PCP4: variants seen among roughly 807,000 people sequenced by gnomAD.
PCP4 encodes Purkinje cell protein 4.
A neutral mutation model predicts 10.0 loss-of-function variants in PCP4; 8 were observed. The observed-to-expected ratio is 0.80, with a 90% confidence interval of 0.47 to 1.45. PCP4 has a LOEUF of 1.45. Among genes scored for constraint, PCP4 ranks in the 40% most tolerant of loss-of-function variants. The probability of loss-of-function intolerance (pLI) is 0.00; values close to 1 mark genes in which losing one functional copy is unlikely to be tolerated. For missense variants in PCP4, 54 were observed against 74.4 expected (o/e 0.73, Z 1.01); for synonymous variants, 21 against 23.0 (o/e 0.91, Z 0.24).
chr21:39,899,722 G>A (rs2087474029), intron 2 of PCP4, among the ~76,000 whole-genome samples: 1 of 152,194 alleles, frequency 6.6e-6, no homozygotes, highest in African/African-American at 2.4e-5. Context: ...CTCTTCCTTT[G>A]CTGCCCAGGG....
chr21:39,870,510 G>T (rs2087314514), intron 1 of PCP4, among the ~76,000 whole-genome samples: 1 of 152,140 alleles, frequency 6.6e-6, no homozygotes, highest in Admixed American at 6.6e-5. Flanking sequence ...TACTCACCCA[G>T]GCACAAGAAA....
chr21:39,920,336 GTA>G (rs34129163), intron 2 of PCP4, among the ~76,000 whole-genome samples: 16,246 of 146,878 alleles, frequency 0.11, 1,123 homozygotes, highest in South Asian at 0.24. Flanking sequence ...TGTGTGTGTG[GTA>G]TGTGTGTGGT....
chr21:39,919,224 G>A (rs2087583148), intron 2 of PCP4, among the ~76,000 whole-genome samples: 1 of 152,154 alleles, frequency 6.6e-6, no homozygotes, highest in African/African-American at 2.4e-5. Flanking sequence ...GTGGCCGAGG[G>A]GATCCCAGCT....
intron 2 of PCP4, among the ~76,000 whole-genome samples, chr21:39,900,139 A>T (rs1331981418): frequency 1.3e-5 from 2 of 152,056 alleles, no homozygotes; most frequent in Non-Finnish European, 2.9e-5. Flanking sequence ...GGTTCAAGTG[A>T]TTCTCCTGCC....
chr21:39,869,468 G>A (rs529162852), intron 1 of PCP4, among the ~76,000 whole-genome samples: 23 of 152,262 alleles, frequency 1.5e-4, no homozygotes, highest in African/African-American at 5.5e-4. Context: ...CTTTAATGTG[G>A]ATAAAAGCAC....
At chr21:39,905,430 G>T (rs1197147929) in intron 2 of PCP4, among the ~76,000 whole-genome samples, 1 of 152,166 alleles carries the variant, frequency 6.6e-6, no homozygotes, top group East Asian at 1.9e-4. Flanking sequence ...ATTAAGCCGG[G>T]CATTTAAAGC....
intron 1 of PCP4, among the ~76,000 whole-genome samples, chr21:39,873,224 A>G (rs138725751): frequency 1.6e-3 from 243 of 152,292 alleles, no homozygotes; most frequent in Non-Finnish European, 3.0e-3. Flanking sequence ...TTAGAAGAGA[A>G]TAAGAGAGAG....
intron 1 of PCP4, among the ~76,000 whole-genome samples, chr21:39,872,219 G>C (rs1050612712): frequency 6.6e-6 from 1 of 152,128 alleles, no homozygotes; most frequent in Non-Finnish European, 1.5e-5. Flanking sequence ...GACTGGTCTC[G>C]AACTCCTGAC....
At chr21:39,891,441 C>T (rs180936402) in intron 1 of PCP4, among the ~76,000 whole-genome samples, 5,875 of 152,336 alleles carry the variant, frequency 0.039, 177 homozygotes, top group Non-Finnish European at 0.058. Context: ...AATTGGTGCT[C>T]TGTGGAGCAC....
intron 1 of PCP4, among the ~76,000 whole-genome samples, chr21:39,870,400 T>G (rs948417311): frequency 1.3e-5 from 2 of 152,188 alleles, no homozygotes; most frequent in Non-Finnish European, 2.9e-5. Context: ...TGGAAGAGAA[T>G]GTAGCAGGGA....
intron 2 of PCP4, among the ~76,000 whole-genome samples, chr21:39,903,195 G>T (rs892183883): frequency 6.6e-6 from 1 of 152,136 alleles, no homozygotes; most frequent in Non-Finnish European, 1.5e-5. Context: ...AATAAACCTC[G>T]TGATGGGGCT....
intron 1 of PCP4, among the ~76,000 whole-genome samples, chr21:39,869,796 G>C (rs1568847875): frequency 6.6e-6 from 1 of 152,254 alleles, no homozygotes; most frequent in Non-Finnish European, 1.5e-5. Context: ...TCTTTGGTTG[G>C]ATGAATTAAA....
chr21:39,922,671 G>A (rs983602960), intron 2 of PCP4, among the ~76,000 whole-genome samples: 9 of 152,192 alleles, frequency 5.9e-5, no homozygotes. Flanking sequence ...TTTCTGCTCA[G>A]AGGGAAAAGC....
intron 2 of PCP4, among the ~76,000 whole-genome samples, chr21:39,903,876 CAA>C (rs67572508): frequency 1.0e-4 from 10 of 95,580 alleles, no homozygotes; most frequent in African/African-American, 3.5e-4. Flanking sequence ...TCAAAAAAAA[CAA>C]AAAAAAAAAA....
chr21:39,888,304 G>C (rs575743018), intron 1 of PCP4, among the ~76,000 whole-genome samples: 31 of 152,338 alleles, frequency 2.0e-4, no homozygotes, highest in African/African-American at 7.2e-4. Flanking sequence ...GTCAGACGTT[G>C]GGAACGGGGG....
chr21:39,910,211 T>C (rs118144284), intron 2 of PCP4, among the ~76,000 whole-genome samples: 2,643 of 152,312 alleles, frequency 0.017, 34 homozygotes, highest in Non-Finnish European at 0.027. Context: ...GGCCGGGCAC[T>C]GATGTGAGTG....
At chr21:39,913,877 A>C (rs1463542197) in intron 2 of PCP4, among the ~76,000 whole-genome samples, 1 of 152,122 alleles carries the variant, frequency 6.6e-6, no homozygotes, top group African/African-American at 2.4e-5. Flanking sequence ...AAAGAGAAAC[A>C]CCTGTCTGCA....
chr21:39,888,418 A>C (rs796139151), intron 1 of PCP4, among the ~76,000 whole-genome samples: 1 of 152,316 alleles, frequency 6.6e-6, no homozygotes, highest in African/African-American at 2.4e-5. Context: ...GCTGTCACTG[A>C]TGGATAAGTG....
rs1250758553 is a variant in PCP4, at chr21:39,917,736, T to C, written c.62-11248T>C. On this transcript the variant is annotated intron_variant, in intron 2 of 2. Coordinates refer to ENST00000328619, the MANE Select transcript of PCP4 (RefSeq NM_006198.3). The stretch of plus-strand genomic sequence containing the variant: ...TCTCTGATTGTCTCCATTTTTTTCT[T>C]GAAAATGTAGGCATTTGGCTAGTGG... 2.0e-5 allele frequency among the ~76,000 whole-genome samples: 3 copies of C among 152,156 alleles called. No homozygotes were observed. The East Asian group carries it at 5.8e-4, about 29-fold the overall frequency.
Sources: gnomAD v4.1 joint callset for allele counts (sites outside exome capture counted in the v4.1 genomes callset) on GRCh38, gnomAD v4.1.1 for gene constraint, MANE v1.5 for transcripts, NCBI Gene and HGNC (gene_info 2026-07-23, HGNC 2026-07-21) for gene names.